Variants in SETBP1 observed in about 807,000 individuals in gnomAD.
SETBP1 encodes the protein SET binding protein 1, also known as SET-binding protein.
A neutral mutation model predicts 101.0 loss-of-function variants in SETBP1; 9 were observed. The ratio of observed to expected loss-of-function variants is 0.09; its 90% CI spans 0.05 to 0.16. The LOEUF (loss-of-function observed/expected upper bound fraction) is 0.16, where lower values mean the gene tolerates loss of function less well. SETBP1 is among the 10% of genes least tolerant of loss of function. The pLI, the probability that SETBP1 is intolerant of heterozygous loss-of-function variation, is 1.00. For synonymous variants in SETBP1, 818 were observed against 788.5 expected (o/e 1.04, Z -0.63); for missense variants, 1,858 against 2,033.8 (o/e 0.91, Z 1.66).
intron 2 of SETBP1, among the ~76,000 whole-genome samples, chr18:44,839,070 T>A (rs1231466590): frequency 2.5e-5 from 3 of 120,534 alleles, no homozygotes; most frequent in Admixed American, 1.8e-4. Context: ...TCTCTTAATA[T>A]CTTAAAAAAA....
At chr18:44,966,283 G>T (rs916529628) in intron 4 of SETBP1, among the ~76,000 whole-genome samples, 1 of 152,058 alleles carries the variant, frequency 6.6e-6, no homozygotes, top group Non-Finnish European at 1.5e-5. Context: ...TCCTCACTAT[G>T]AGTCCTGCTA....
rs574133794 is a variant in SETBP1, at chr18:44,900,991, G to A, written c.540+31708G>A. Among the ~76,000 whole-genome samples the A allele has an allele frequency of 8.5e-5, 13 of 152,226 alleles. No homozygotes were observed. In the East Asian group the frequency reaches 1.9e-3, roughly 23 times the overall value. ...ACAAATAAAATCTCCTGTCTCCCCC[G>A]ACCTTTTTAATTTAACATGTGAATT... On this transcript the variant is annotated intron_variant, in intron 3 of 5. Transcript: ENST00000649279.
At chr18:44,955,873 G>A (rs2071470232) in intron 4 of SETBP1, among the ~76,000 whole-genome samples, 1 of 152,212 alleles carries the variant, frequency 6.6e-6, no homozygotes, top group Non-Finnish European at 1.5e-5. Flanking sequence ...GATTACAAAA[G>A]AGAATAGTTA....
At chr18:44,720,256 A>G (rs957590470) in intron 2 of SETBP1, among the ~76,000 whole-genome samples, 12 of 152,220 alleles carry the variant, frequency 7.9e-5, no homozygotes, top group African/African-American at 2.7e-4. Context: ...AGCAGAAGAC[A>G]CTGAAGTCCT....
intron 2 of SETBP1, among the ~76,000 whole-genome samples, chr18:44,828,095 G>A (rs936605266): frequency 5.3e-5 from 8 of 152,106 alleles, no homozygotes; most frequent in Non-Finnish European, 1.2e-4. Context: ...TGTTCTTCTC[G>A]TGACACTATG....
intron 3 of SETBP1, among the ~76,000 whole-genome samples, chr18:44,923,725 A>G (rs1478595101): frequency 1.3e-5 from 2 of 152,232 alleles, no homozygotes; most frequent in South Asian, 2.1e-4. Context: ...ATCTATGGAC[A>G]TGATTGATTA....
chr18:44,935,008 T>C (rs1207431436), intron 3 of SETBP1, among the ~76,000 whole-genome samples: 1 of 152,154 alleles, frequency 6.6e-6, no homozygotes, highest in African/African-American at 2.4e-5. Flanking sequence ...CCTGAGGCAT[T>C]GTGATGGGAA....
At chr18:44,730,401 C>T (rs550170430) in intron 2 of SETBP1, among the ~76,000 whole-genome samples, 10 of 152,256 alleles carry the variant, frequency 6.6e-5, no homozygotes, top group Admixed American at 5.2e-4. Flanking sequence ...GATGGAACTA[C>T]GGAGGATTCA....
rs146994409 is a variant in SETBP1 at position 44,949,911 on chromosome 18, C to T, written c.571C>T (p.Leu191Phe). 2.7e-5 allele frequency: 44 copies of T among 1,613,756 alleles called. No individual in the cohort carries two copies. The highest frequency in any genetic ancestry group is 4.0e-5 in the African/African-American group (3 of 74,902). The change falls in exon 4 of 6, where the codon CTC (leucine) becomes TTC (phenylalanine). Residue 191 changes from leucine to phenylalanine, a missense_variant. By Grantham distance (22) the Leu-to-Phe change is conservative. Coordinates refer to ENST00000649279, the MANE Select transcript of SETBP1 (RefSeq NM_015559.3). ...AYERPQKHST[L>F]HYDTGLPQDF... Reference sequence around the variant, plus strand: ...CGAGAGGCCCCAGAAACATTCAACTCTCCATTATGACACGGGCCTCCCACA... The same window carrying T: ...CGAGAGGCCCCAGAAACATTCAACTTTCCATTATGACACGGGCCTCCCACA...
chr18:44,718,812 C>G (rs571151329), intron 2 of SETBP1, among the ~76,000 whole-genome samples: 2 of 152,204 alleles, frequency 1.3e-5, no homozygotes, highest in African/African-American at 4.8e-5. Flanking sequence ...CCACTGGTAT[C>G]AGAGCTGCTG....
At chr18:45,007,664 C>T (rs886885912) in intron 4 of SETBP1, among the ~76,000 whole-genome samples, 86 of 152,266 alleles carry the variant, frequency 5.6e-4, no homozygotes, top group African/African-American at 1.9e-3. Flanking sequence ...GGGATTAATT[C>T]GCACATTTAA....
chr18:44,703,858 G>T (rs2069164655), intron 2 of SETBP1, among the ~76,000 whole-genome samples: 1 of 152,216 alleles, frequency 6.6e-6, no homozygotes, highest in South Asian at 2.1e-4. Flanking sequence ...CTCTGAAAGT[G>T]AGGCTTTGCA....
chr18:44,694,359 A>G (rs1324749811), intron 1 of SETBP1, among the ~76,000 whole-genome samples: 5 of 152,068 alleles, frequency 3.3e-5, no homozygotes, highest in Admixed American at 3.3e-4. Flanking sequence ...TTACAGGTGC[A>G]TGCCACCACG....
At chr18:45,049,187 A>G (rs1326580267) in intron 5 of SETBP1, among the ~76,000 whole-genome samples, 1 of 152,126 alleles carries the variant, frequency 6.6e-6, no homozygotes, top group Non-Finnish European at 1.5e-5. Context: ...GTACTAAGAG[A>G]TTCTCTTTTG....
chr18:45,041,592 A>G (rs1009359751), intron 5 of SETBP1, among the ~76,000 whole-genome samples: 1 of 152,208 alleles, frequency 6.6e-6, no homozygotes, highest in Non-Finnish European at 1.5e-5. Context: ...GTGGCTTATA[A>G]AACAAATTTA....
chr18:44,866,885 C>A (rs2069141678), intron 2 of SETBP1, among the ~76,000 whole-genome samples: 1 of 152,190 alleles, frequency 6.6e-6, no homozygotes, highest in Admixed American at 6.5e-5. Context: ...GGTTGTTCAC[C>A]AGGATACATG....
At position 44,952,454 on chromosome 18, in the gene SETBP1, C is replaced by T. The variant is rs1311352548; in HGVS notation, c.3114C>T (p.Phe1038=). Residue 1038 remains phenylalanine (F), a synonymous_variant, in exon 4 of 6, where the codon TTC becomes TTT. Transcript: ENST00000649279. Reference sequence around the variant, plus strand: ...CAAAGGTGCCTTTTTTACAAGGGTTCAGCTACCCTATTCCCAGTGGAAGTT... The same window carrying T: ...CAAAGGTGCCTTTTTTACAAGGGTTTAGCTACCCTATTCCCAGTGGAAGTT... ...TMTKVPFLQG[F]SYPIPSGSYY... is the part of the protein sequence containing the mutation. 11 of 1,613,998 alleles carry T rather than the reference C, an allele frequency of 6.8e-6. No individual in the cohort carries two copies. In the South Asian group the frequency reaches 7.7e-5, roughly 11 times the overall value.
intron 2 of SETBP1, among the ~76,000 whole-genome samples, chr18:44,782,090 C>T (rs568074395): frequency 1.3e-5 from 2 of 152,278 alleles, no homozygotes; most frequent in South Asian, 4.1e-4. Flanking sequence ...GTTAGGAATG[C>T]AGAACGACCT....
chr18:44,758,603 C>T (rs376119395), intron 2 of SETBP1, among the ~76,000 whole-genome samples: 2 of 151,950 alleles, frequency 1.3e-5, no homozygotes, highest in African/African-American at 4.8e-5. Context: ...AGGATGGTCT[C>T]GATCTCCTGA....
Sources: allele counts gnomAD v4.1 joint callset (sites outside exome capture counted in the v4.1 genomes callset), GRCh38; gene constraint gnomAD v4.1.1; transcripts MANE v1.5; gene names NCBI Gene and HGNC (gene_info 2026-07-23, HGNC 2026-07-21).